RELCH: variants seen among roughly 807,000 people sequenced by gnomAD.
RELCH encodes the protein RAB11-binding protein RELCH.
In RELCH, 41 loss-of-function variants were observed where a neutral mutation model predicts 150.3. That is an observed-to-expected ratio of 0.27 (90% CI 0.21 to 0.35). The LOEUF (loss-of-function observed/expected upper bound fraction) is 0.35, where lower values mean the gene tolerates loss of function less well. Among genes scored for constraint, RELCH ranks in the 10% least tolerant of loss-of-function variants. The probability of loss-of-function intolerance (pLI) is 1.00; values close to 1 mark genes in which losing one functional copy is unlikely to be tolerated. For missense variants in RELCH, 1,092 were observed against 1,467.8 expected (o/e 0.74, Z 4.18); for synonymous variants, 478 against 531.8 (o/e 0.90, Z 1.39).
At chr18:62,234,836 C>G (rs2041798066) in intron 10 of RELCH, 1 of 151,692 alleles carries the variant, frequency 6.6e-6, no homozygotes. Context: ...GTAGTAAACC[C>G]TTATCATATA....
At chr18:62,285,817 C>T (rs2044760826) in intron 25 of RELCH, 1 of 152,144 alleles carries the variant, frequency 6.6e-6, no homozygotes, top group Non-Finnish European at 1.5e-5. Context: ...AAATCATCTC[C>T]TGGTCCTTCA....
intron 28 of RELCH, among the ~76,000 whole-genome samples, chr18:62,303,667 G>A (rs1423736720): frequency 4.6e-5 from 7 of 152,226 alleles, no homozygotes; most frequent in Admixed American, 4.6e-4. Context: ...TGAAAGATGG[G>A]TAGGCAGTGG....
intron 28 of RELCH, chr18:62,300,078 G>A (rs2045596758): frequency 6.6e-6 from 1 of 152,174 alleles, no homozygotes; most frequent in South Asian, 2.1e-4. Context: ...TCCATAGATA[G>A]AATGTCACCC....
chr18:62,234,336 G>A (rs2041762903), intron 10 of RELCH, among the ~76,000 whole-genome samples: 1 of 148,178 alleles, frequency 6.7e-6, no homozygotes, highest in Admixed American at 6.8e-5. Context: ...TTTTTTATTT[G>A]AGGCAGGTTC....
rs1223615856 is a variant in RELCH at position 62,309,910 on chromosome 18, A to C, written c.*4376A>C. The C allele has an allele frequency of 6.6e-6, 1 of 152,146 alleles. No homozygotes were observed. The highest frequency in any genetic ancestry group is 6.5e-5 in the Admixed American group (1 of 15,272). The allele number at this position is 152,146 out of a possible 1,614,324, so 9.4% of individuals were successfully genotyped here. On this transcript the variant is annotated 3_prime_UTR_variant, in exon 29 of 29. Coordinates refer to ENST00000644646, the MANE Select transcript of RELCH (RefSeq NM_001346231.2). ...TGGTCAGTGATCTTTTTAGGGTGTCATTTGTTGATAGTAATCTGCTTTTTA... is the reference window on the plus strand; with the variant it reads ...TGGTCAGTGATCTTTTTAGGGTGTCCTTTGTTGATAGTAATCTGCTTTTTA...
In RELCH at chr18:62,305,771, A is replaced by G. The variant is rs952265123; in HGVS notation, c.*237A>G. The G allele has an allele frequency of 4.1e-6, 1 of 243,702 alleles. No homozygotes were observed. Among genetic ancestry groups the G allele is most frequent in the Non-Finnish European group, 7.7e-6 (1 of 129,316 alleles). 15.1% of individuals were successfully genotyped at this position (243,702 alleles called of 1,614,324 possible). A position where few individuals can be genotyped will look rare whatever the true frequency, so the allele number is the denominator to read the frequency against. ...ATGGTCTGTACCAAGTCCCTTGTCT[A>G]TGTTCTTGTCTTTCAGAATAATTTT... On this transcript the variant is annotated 3_prime_UTR_variant, in exon 29 of 29. Coordinates refer to ENST00000644646, the MANE Select transcript of RELCH (RefSeq NM_001346231.2). The surrounding 1 kb of genome is among the most constrained non-coding windows in gnomAD (Gnocchi z 4.0).
intron 5 of RELCH, among the ~76,000 whole-genome samples, chr18:62,222,596 T>TCCTTCTCGAATAAA (rs2040949636): frequency 6.6e-6 from 1 of 151,962 alleles, no homozygotes; most frequent in Non-Finnish European, 1.5e-5. Flanking sequence ...TGTAAATGAT[T>TCCTTCTCGAATAAA]AGTCCTTCTC....
At chr18:62,281,649 A>G (rs1294536261) in intron 24 of RELCH, among the ~76,000 whole-genome samples, 2 of 152,240 alleles carry the variant, frequency 1.3e-5, no homozygotes, top group African/African-American at 2.4e-5. Context: ...CCTGTAGATT[A>G]GCACATATAT....
chr18:62,236,852 T>C (rs1452954365), intron 10 of RELCH, among the ~76,000 whole-genome samples: 2 of 151,780 alleles, frequency 1.3e-5, no homozygotes, highest in African/African-American at 4.8e-5. Flanking sequence ...TCTGCTGGCC[T>C]TGGGTTTAGT....
At chr18:62,272,393 A>G (rs896844401) in intron 20 of RELCH, among the ~76,000 whole-genome samples, 1 of 152,188 alleles carries the variant, frequency 6.6e-6, no homozygotes, top group Non-Finnish European at 1.5e-5. Context: ...TAATAATTAA[A>G]TGCCAAGAAC....
At position 62,187,418 on chromosome 18, in the gene RELCH, G is replaced by A. The variant is rs1009297472; in HGVS notation, c.-88G>A. The A allele has an allele frequency of 1.6e-6, 2 of 1,281,628 alleles. No individual in the cohort carries two copies. The highest frequency in any genetic ancestry group is 2.6e-5 in the Admixed American group (1 of 38,092). 79.4% of individuals were successfully genotyped at this position (1,281,628 alleles called of 1,614,324 possible). A position where few individuals can be genotyped will look rare whatever the true frequency, so the allele number is the denominator to read the frequency against. On this transcript the variant is annotated 5_prime_UTR_variant, in exon 1 of 29. In the 5' UTR this introduces an upstream ATG that the reference lacks. Transcript: ENST00000644646. ...ACGTGGTCAGGCCGGGGCTGTGGAGGTGCGCTGTGTCCCCTGAGGCCTAGA... is the reference window on the plus strand; with the variant it reads ...ACGTGGTCAGGCCGGGGCTGTGGAGATGCGCTGTGTCCCCTGAGGCCTAGA...
chr18:62,261,371 T>C (rs2043261065), intron 15 of RELCH, 140 bp from the exon 16 acceptor site: 3 of 583,204 alleles, frequency 5.1e-6, no homozygotes, highest in Non-Finnish European at 8.9e-6. Flanking sequence ...CACTCTAGAG[T>C]GCCTTACTGC....
At chr18:62,219,450 T>C (rs947986858) in intron 2 of RELCH, among the ~76,000 whole-genome samples, 2 of 149,676 alleles carry the variant, frequency 1.3e-5, no homozygotes, top group African/African-American at 2.4e-5. Context: ...TTATTTAAGA[T>C]ACAGTTAGAT....
intron 11 of RELCH, chr18:62,246,038 A>G (rs897933570): frequency 3.3e-5 from 5 of 152,104 alleles, no homozygotes; most frequent in African/African-American, 1.2e-4. Flanking sequence ...CCAAATAGAA[A>G]CCTAACTAAC....
chr18:62,300,240 T>G (rs1427707720), intron 28 of RELCH: 1 of 152,236 alleles, frequency 6.6e-6, no homozygotes, highest in Non-Finnish European at 1.5e-5. Context: ...GGTAGCTGGG[T>G]CTAGATCTAG....
At position 62,305,713 on chromosome 18, in the gene RELCH, G is replaced by C; in HGVS notation, c.*179G>C. The C allele has an allele frequency of 1.9e-6, 1 of 512,860 alleles. No individual in the cohort carries two copies. The highest frequency in any genetic ancestry group is 3.0e-6 in the Non-Finnish European group (1 of 328,626). 31.8% of individuals were successfully genotyped at this position (512,860 alleles called of 1,614,324 possible). Reference sequence around the variant, plus strand: ...TACTGCTGTATATTTGTTGATTTTGGAGTTACAACTGTGGTGATAGAAAAT... The same window carrying C: ...TACTGCTGTATATTTGTTGATTTTGCAGTTACAACTGTGGTGATAGAAAAT... On this transcript the variant is annotated 3_prime_UTR_variant, in exon 29 of 29. Coordinates refer to ENST00000644646, the MANE Select transcript of RELCH (RefSeq NM_001346231.2). This position sits in a 1 kb window ranked among gnomAD's most constrained non-coding sequence, Gnocchi z 4.0.
At chr18:62,274,486 G>A (rs748719619) in intron 21 of RELCH, among the ~76,000 whole-genome samples, 7 of 152,166 alleles carry the variant, frequency 4.6e-5, no homozygotes, top group Non-Finnish European at 8.8e-5. Context: ...TCATCTGGCT[G>A]CTAAAATAAT....
intron 25 of RELCH, among the ~76,000 whole-genome samples, chr18:62,285,116 GTTT>G (rs1166590822): frequency 7.3e-6 from 1 of 137,132 alleles, no homozygotes; most frequent in African/African-American, 2.7e-5. Context: ...CTGATATACA[GTTT>G]TTTGTTTGTT....
At chr18:62,303,486 T>C (rs1442902209) in intron 28 of RELCH, among the ~76,000 whole-genome samples, 1 of 152,222 alleles carries the variant, frequency 6.6e-6, no homozygotes, top group Non-Finnish European at 1.5e-5. Context: ...CCTCTTAGAA[T>C]ATCATTAAAA....
Sources: gnomAD v4.1 joint callset for allele counts (sites outside exome capture counted in the v4.1 genomes callset) on GRCh38, gnomAD v4.1.1 for gene constraint, Gnocchi (gnomAD v3.1) non-coding constraint, MANE v1.5 for transcripts, NCBI Gene and HGNC (gene_info 2026-07-23, HGNC 2026-07-21) for gene names.